VPS8: variants seen among roughly 807,000 people sequenced by gnomAD.
VPS8 encodes vacuolar protein sorting-associated protein 8 homolog.
A neutral mutation model predicts 216.4 loss-of-function variants in VPS8; 129 were observed. The ratio of observed to expected loss-of-function variants is 0.60; its 90% CI spans 0.52 to 0.69. The LOEUF is 0.69. Among genes scored for constraint, VPS8 ranks in the 30% least tolerant of loss-of-function variants. VPS8 has a pLI of 0.00. For missense variants in VPS8, 1,531 were observed against 1,683.5 expected (o/e 0.91, Z 1.59); for synonymous variants, 571 against 565.4 (o/e 1.01, Z -0.14).
chr3:184,971,801 A>G (rs1025925313), intron 40 of VPS8, 49 bp downstream of exon 40: 2 of 1,488,184 alleles, frequency 1.3e-6, no homozygotes, highest in African/African-American at 2.8e-5. Flanking sequence ...TTGGCCAGAC[A>G]TGGTGGCCCA....
chr3:185,041,141 G>T (rs2108506029), intron 46 of VPS8, among the ~76,000 whole-genome samples: 1 of 152,030 alleles, frequency 6.6e-6, no homozygotes, highest in Non-Finnish European at 1.5e-5. Flanking sequence ...GGAGGCGGAG[G>T]TTGCAGTGAG....
In VPS8 at chr3:185,003,660, G is replaced by A. The variant is rs542411174; in HGVS notation, c.4002+3799G>A. Among the ~76,000 whole-genome samples, 3 of 152,190 alleles carry A rather than the reference G, an allele frequency of 2.0e-5. No individual in the cohort carries two copies. In the South Asian group the frequency reaches 6.2e-4, roughly 32 times the overall value. On this transcript the variant is annotated intron_variant, in intron 45 of 47. Transcript: ENST00000625842. ...TGTCATCATGGCCCGTTCTCAATGAGCTGTTGGGTACACCTCCCAGACGGT... is the reference window on the plus strand; with the variant it reads ...TGTCATCATGGCCCGTTCTCAATGAACTGTTGGGTACACCTCCCAGACGGT...
intron 22 of VPS8, among the ~76,000 whole-genome samples, chr3:184,894,428 A>G (rs1292773514): frequency 6.6e-6 from 1 of 151,456 alleles, no homozygotes; most frequent in African/African-American, 2.4e-5. Flanking sequence ...TTAGCAAACA[A>G]TTTATCTTAC....
chr3:184,877,014 T>A (rs2108813057), intron 21 of VPS8, among the ~76,000 whole-genome samples: 1 of 152,346 alleles, frequency 6.6e-6, no homozygotes, highest in Non-Finnish European at 1.5e-5. Flanking sequence ...TGGTCTACGC[T>A]TGCCTAACTG....
Position 184,983,136 on chromosome 3 carries a change from A to T in VPS8, c.3585+42A>T, listed in dbSNP as rs934660333. On this transcript the variant is annotated intron_variant, in intron 42 of 47. Transcript: ENST00000625842. ...GAATATTAAATATTGATTTCAACTA[A>T]CATTTTAGTTATATATAAATAACAG... 5.4e-6 allele frequency: 8 copies of T among 1,472,750 alleles called. No individual in the cohort carries two copies. In the African/African-American group the frequency reaches 1.1e-4, roughly 21 times the overall value. 91.2% of individuals were successfully genotyped at this position (1,472,750 alleles called of 1,614,324 possible). A position where few individuals can be genotyped will look rare whatever the true frequency, so the allele number is the denominator to read the frequency against.
chr3:184,944,493 T>C (rs759981781), intron 36 of VPS8: 15 of 985,420 alleles, frequency 1.5e-5, no homozygotes, highest in Non-Finnish European at 1.8e-5. Flanking sequence ...TACACCCAGC[T>C]GCAGGTTCCT....
chr3:184,868,727 A>G (rs1577984913), intron 18 of VPS8, among the ~76,000 whole-genome samples: 3 of 152,176 alleles, frequency 2.0e-5, no homozygotes, highest in South Asian at 2.1e-4. Context: ...TCCCCTTTTC[A>G]TATTTAGGCC....
intron 22 of VPS8, among the ~76,000 whole-genome samples, 187 bp from the exon 23 acceptor site, chr3:184,894,508 GTATATATA>G (rs756172890): frequency 1.5e-5 from 2 of 133,128 alleles, no homozygotes; most frequent in East Asian, 2.2e-4. Flanking sequence ...ATATACACAC[GTATATATA>G]TATATATATA....
chr3:184,913,444 G>T, intron 25 of VPS8, 75 bp from the exon 26 acceptor site: 2 of 1,310,660 alleles, frequency 1.5e-6, no homozygotes, highest in East Asian at 2.4e-5. Flanking sequence ...TTATTTTTTT[G>T]TTTCTACATA....
chr3:184,832,868 G>T (rs770114511), intron 4 of VPS8, 49 bp downstream of exon 4: 70 of 1,567,882 alleles, frequency 4.5e-5, no homozygotes, highest in South Asian at 1.5e-4. Context: ...GTATTCAATT[G>T]TTTCAAATGT....
chr3:184,893,439 A>G (rs890422219), intron 22 of VPS8: 6 of 919,890 alleles, frequency 6.5e-6, no homozygotes, highest in Non-Finnish European at 8.1e-6. Flanking sequence ...CAGTTTTTGT[A>G]TTTTTTAAAA....
chr3:185,016,358 G>T (rs189762636), intron 45 of VPS8, among the ~76,000 whole-genome samples: 2 of 152,162 alleles, frequency 1.3e-5, no homozygotes, highest in African/African-American at 4.8e-5. Context: ...AATATTTCTC[G>T]AATGGGGCAG....
At chr3:184,966,794 ATGT>A in intron 39 of VPS8, 81 bp downstream of exon 39, 20 of 1,072,116 alleles carry the variant, frequency 1.9e-5, no homozygotes, top group Non-Finnish European at 2.6e-5. Context: ...TGCATTTATT[ATGT>A]AATAATTACA....
At chr3:184,944,948 GA>G (rs1329706424) in intron 36 of VPS8, among the ~76,000 whole-genome samples, 2 of 151,848 alleles carry the variant, frequency 1.3e-5, no homozygotes, top group Non-Finnish European at 2.9e-5. Flanking sequence ...ACAAAATTAG[GA>G]GATTATATAT....
chr3:184,914,412 G>T (rs149023877), intron 26 of VPS8, among the ~76,000 whole-genome samples: 53 of 152,302 alleles, frequency 3.5e-4, no homozygotes, highest in African/African-American at 1.2e-3. Flanking sequence ...GACATTTGTA[G>T]TAATTCAGCT....
intron 46 of VPS8, among the ~76,000 whole-genome samples, chr3:185,035,115 C>G (rs1363402885): frequency 2.6e-5 from 4 of 151,958 alleles, no homozygotes; most frequent in East Asian, 1.9e-4. Flanking sequence ...AAAAACCCAC[C>G]AACCAAAAAA....
In VPS8 at chr3:184,944,274, A is replaced by G. The variant is rs1446603078; in HGVS notation, c.3035+4031A>G. 3.3e-5 allele frequency among the ~76,000 whole-genome samples: 5 copies of G among 152,336 alleles called. No individual in the cohort carries two copies. In the East Asian group the frequency reaches 9.6e-4, roughly 29 times the overall value. On this transcript the variant is annotated intron_variant, in intron 36 of 47. Transcript: ENST00000625842. Reference sequence around the variant, plus strand: ...ATATTGGTGGCATCTGTACATAGAAAGATTAGGTAGTTTTAGGGGGAGAGG... The same window carrying G: ...ATATTGGTGGCATCTGTACATAGAAGGATTAGGTAGTTTTAGGGGGAGAGG...
chr3:184,979,633 T>C (rs1388784208), intron 40 of VPS8, among the ~76,000 whole-genome samples: 1 of 152,178 alleles, frequency 6.6e-6, no homozygotes, highest in Non-Finnish European at 1.5e-5. Flanking sequence ...TGCTCTTTTT[T>C]ATTTTTTTGT....
Position 184,869,486 on chromosome 3 carries a change from A to G in VPS8, c.1602A>G (p.Leu534=), listed in dbSNP as rs61741194. Residue 534 remains leucine, a synonymous_variant, in exon 20 of 48, where the codon TTA becomes TTG. Coordinates refer to ENST00000625842, the MANE Select transcript of VPS8 (RefSeq NM_001009921.3). ...TTGGATTTTCCTTCTCTGCAGGATT[A>G]TCAGGGGATGCCAGTAAGCGAAAGG... ...HEGKAKAVVG[L]SGDASKRKAI... is the part of the protein sequence containing the mutation. 89,824 of 1,613,100 alleles carry G rather than the reference A, an allele frequency of 0.056. 2,820 individuals carry two copies. Among genetic ancestry groups the G allele is most frequent in the Non-Finnish European group, 0.064 (75,743 of 1,179,240 alleles).
Sources: allele counts gnomAD v4.1 joint callset (sites outside exome capture counted in the v4.1 genomes callset), GRCh38; gene constraint gnomAD v4.1.1; transcripts MANE v1.5; gene names NCBI Gene and HGNC (gene_info 2026-07-23, HGNC 2026-07-21).